Variants in HERC1 observed in about 807,000 individuals in gnomAD.
HERC1 encodes the protein probable E3 ubiquitin-protein ligase HERC1.
HERC1 carries 160 observed loss-of-function variants against 554.3 expected under a neutral mutation model. The ratio of observed to expected loss-of-function variants is 0.29; its 90% confidence interval spans 0.25 to 0.33. The LOEUF is 0.33. HERC1 is among the 10% of genes least tolerant of loss of function. HERC1 has a pLI of 1.00. For missense variants in HERC1, 4,919 were observed against 5,918.5 expected (o/e 0.83, Z 5.54); for synonymous variants, 2,175 against 2,131.7 (o/e 1.02, Z -0.56).
chr15:63,633,746 C>A, intron 67 of HERC1, 102 bp downstream of exon 67: 1 of 1,258,752 alleles, frequency 7.9e-7, no homozygotes, highest in South Asian at 1.6e-5. Context: ...TTATGAACTA[C>A]CAAAAGTACT....
intron 69 of HERC1, among the ~76,000 whole-genome samples, chr15:63,629,062 G>C (rs2068433137): frequency 6.6e-6 from 1 of 151,022 alleles, no homozygotes. Context: ...GCAATTTTCT[G>C]CCTCAGCCTC....
intron 2 of HERC1, among the ~76,000 whole-genome samples, chr15:63,773,866 G>C (rs2076032285): frequency 6.6e-6 from 1 of 151,968 alleles, no homozygotes; most frequent in Non-Finnish European, 1.5e-5. Context: ...TTTAACATTT[G>C]AATTTTTATT....
intron 61 of HERC1, 23 bp from the exon 62 acceptor site, chr15:63,638,799 T>C (rs1417007639): frequency 5.7e-6 from 9 of 1,586,300 alleles, no homozygotes; most frequent in Non-Finnish European, 7.8e-6. Flanking sequence ...GGGTACATAA[T>C]GATCAATTCT....
At chr15:63,696,055 T>C in intron 27 of HERC1, 69 bp downstream of exon 27, 1 of 1,167,820 alleles carries the variant, frequency 8.6e-7, no homozygotes, top group East Asian at 2.5e-5. Flanking sequence ...CACCAAAAAG[T>C]TTCACATTAT....
At chr15:63,645,410 G>C (rs563677180) in intron 56 of HERC1, 73 bp downstream of exon 56, 1 of 1,114,270 alleles carries the variant, frequency 9.0e-7, no homozygotes, top group East Asian at 2.5e-5. Flanking sequence ...CTACTGAGAA[G>C]CCACACTTAA....
At chr15:63,662,399 T>C (rs1566985384) in intron 44 of HERC1, among the ~76,000 whole-genome samples, 1 of 152,134 alleles carries the variant, frequency 6.6e-6, no homozygotes, top group Non-Finnish European at 1.5e-5. Context: ...TTGGGAAAAA[T>C]CATTATGATT....
At position 63,674,922 on chromosome 15, in the gene HERC1, G is replaced by A. The variant is rs745441416; in HGVS notation, c.7266C>T (p.Ser2422=). The change falls in exon 38 of 78, where the codon TCC becomes TCT. Residue 2422 remains serine (S), a synonymous_variant. Transcript: ENST00000443617. ...TCTGCTCAACATCCCCTTTCTCCTC[G>A]GATTCATGTCGGTGTTTCTTTTCAT... The part of the protein sequence containing the change: ...KRHEKKHRHE[S]EEKGDVEQKP... The A allele has an allele frequency of 5.8e-5, 94 of 1,613,842 alleles. No individual in the cohort carries two copies. The highest frequency in any genetic ancestry group is 5.9e-5 in the Non-Finnish European group (70 of 1,179,888).
At chr15:63,784,342 A>G (rs2076374741) in intron 1 of HERC1, among the ~76,000 whole-genome samples, 1 of 152,210 alleles carries the variant, frequency 6.6e-6, no homozygotes, top group East Asian at 1.9e-4. Context: ...CAAAACAACT[A>G]AAATGGAGCA....
Position 63,615,868 on chromosome 15 carries a change from G to A in HERC1, c.13994C>T (p.Pro4665Leu), listed in dbSNP as rs776176315. Reference protein sequence around the residue: ...VGQSADGKMVPIIPGGNSIPL... With the variant: ...VGQSADGKMVLIIPGGNSIPL... ...GATACTATTTCCACCAGGGATTATA[G>A]GAACCATTTTGCCATCAGCACTCTG... is the stretch of plus-strand genomic sequence containing the variant. The change falls in exon 76 of 78, where the codon CCT becomes CTT. Residue 4665 changes from proline to leucine, a missense_variant. Physicochemically the swap from Pro to Leu is moderately conservative, Grantham distance 98. This residue lies in a region of HERC1 where 284 missense variants were observed against 294.1 expected (regional missense o/e 0.97). Coordinates refer to ENST00000443617, the MANE Select transcript of HERC1 (RefSeq NM_003922.4). 1.2e-6 allele frequency: 2 copies of A among 1,606,384 alleles called. No individual in the cohort carries two copies. Among genetic ancestry groups the A allele is most frequent in the Admixed American group, 3.4e-5 (2 of 58,782 alleles).
intron 57 of HERC1, among the ~76,000 whole-genome samples, chr15:63,644,044 GC>G (rs1428127706): frequency 1.3e-5 from 2 of 152,168 alleles, no homozygotes; most frequent in African/African-American, 4.8e-5. Flanking sequence ...CTATAGGGCT[GC>G]CCTCCAGCAC....
chr15:63,632,892 A>ATGCC, intron 67 of HERC1, 81 bp from the exon 68 acceptor site: 1 of 903,610 alleles, frequency 1.1e-6, no homozygotes. Context: ...ATGTATCAAG[A>ATGCC]ACTACCTTCC....
At chr15:63,744,692 G>A (rs1456436406) in intron 12 of HERC1, among the ~76,000 whole-genome samples, 1 of 152,144 alleles carries the variant, frequency 6.6e-6, no homozygotes, top group African/African-American at 2.4e-5. Flanking sequence ...AAGGCCCAGG[G>A]ATTCTTAAGT....
intron 1 of HERC1, among the ~76,000 whole-genome samples, chr15:63,788,874 CA>C (rs1161447448): frequency 0.029 from 1,978 of 67,374 alleles, 19 homozygotes; most frequent in African/African-American, 0.081. Flanking sequence ...GACTCCGTCT[CA>C]AAAAAAAAAA....
At chr15:63,707,559 T>G (rs1208179896) in intron 24 of HERC1, among the ~76,000 whole-genome samples, 1 of 152,186 alleles carries the variant, frequency 6.6e-6, no homozygotes, top group Non-Finnish European at 1.5e-5. Flanking sequence ...TGCATAGACT[T>G]GACATTATGG....
At chr15:63,678,453 G>T (rs1353445920) in intron 36 of HERC1, 88 bp from the exon 37 acceptor site, 3 of 1,416,266 alleles carry the variant, frequency 2.1e-6, no homozygotes, top group African/African-American at 2.9e-5. Flanking sequence ...ATCCCATGTT[G>T]AACTAGTATT....
chr15:63,808,534 T>C (rs1349917553), intron 1 of HERC1, among the ~76,000 whole-genome samples: 1 of 152,108 alleles, frequency 6.6e-6, no homozygotes, highest in Non-Finnish European at 1.5e-5. Flanking sequence ...AATCCTCCTG[T>C]CTCAGCCTCC....
chr15:63,782,667 G>T (rs1381584379), intron 1 of HERC1, among the ~76,000 whole-genome samples: 1 of 152,236 alleles, frequency 6.6e-6, no homozygotes, highest in Non-Finnish European at 1.5e-5. Context: ...AATACATTTT[G>T]TAAGGCTATA....
chr15:63,630,553 T>A lies in HERC1; in HGVS notation c.12879A>T (p.Ile4293=), dbSNP rs10851731. 0.83 allele frequency: 1,335,132 copies of A among 1,613,856 alleles called. 571,056 individuals are homozygous for A. The highest frequency in any genetic ancestry group is 0.88 in the Non-Finnish European group (1,037,182 of 1,179,832). The part of the protein sequence containing the change: ...QQIPVLAGVI[I]EDVAVGAEHT... ...GTTCAGCTCCAACTGCCACATCTTCTATGATTACTCCAGCCAGGACAGGGA... is the reference window on the plus strand; with the variant it reads ...GTTCAGCTCCAACTGCCACATCTTCAATGATTACTCCAGCCAGGACAGGGA... Residue 4293 remains isoleucine (I), a synonymous_variant, in exon 69 of 78, where the codon ATA becomes ATT. Transcript: ENST00000443617.
At chr15:63,809,069 A>G (rs1194488377) in intron 1 of HERC1, among the ~76,000 whole-genome samples, 4 of 152,220 alleles carry the variant, frequency 2.6e-5, no homozygotes, top group African/African-American at 9.6e-5. Flanking sequence ...TAGTCACAGA[A>G]TACTTACATA....
Sources: allele counts gnomAD v4.1 joint callset (sites outside exome capture counted in the v4.1 genomes callset), GRCh38; gene constraint gnomAD v4.1.1; regional missense constraint gnomAD v4.1.1; transcripts MANE v1.5; gene names NCBI Gene and HGNC (gene_info 2026-07-23, HGNC 2026-07-21).